The following CCDC6 variants were observed in gnomAD, a reference collection of about 807,000 sequenced individuals.
CCDC6 encodes coiled-coil domain containing 6.
Under a neutral mutation model 56.6 loss-of-function variants are expected in CCDC6, and 20 were observed. That is an observed-to-expected ratio of 0.35 (90% CI 0.25 to 0.51). The LOEUF is 0.51. CCDC6 is among the 20% of genes least tolerant of loss of function. The pLI is 0.95. For synonymous variants in CCDC6, 241 were observed against 234.4 expected (o/e 1.03, Z -0.26); for missense variants, 367 against 601.1 (o/e 0.61, Z 4.07).
chr10:59,789,679 T>A lies in CCDC6; in HGVS notation c.*3238A>T. The A allele has an allele frequency of 4.5e-6, 1 of 223,070 alleles. No individual in the cohort carries two copies. Among genetic ancestry groups the A allele is most frequent in the Non-Finnish European group, 9.0e-6 (1 of 111,470 alleles). 13.8% of individuals were successfully genotyped at this position (223,070 alleles called of 1,614,324 possible). A position where few individuals can be genotyped will look rare whatever the true frequency, so the allele number is the denominator to read the frequency against. On this transcript the variant is annotated 3_prime_UTR_variant, in exon 9 of 9. Coordinates refer to ENST00000263102, the MANE Select transcript of CCDC6 (RefSeq NM_005436.5). Reference sequence around the variant, plus strand: ...TATAAGACAAGTACTAGACAGAAGATCAAGTTACACAGAAATATTTCTTCT... The same window carrying A: ...TATAAGACAAGTACTAGACAGAAGAACAAGTTACACAGAAATATTTCTTCT...
chr10:59,863,407 T>C (rs1319000602), intron 1 of CCDC6, among the ~76,000 whole-genome samples: 4 of 152,230 alleles, frequency 2.6e-5, no homozygotes, highest in Non-Finnish European at 5.9e-5. Flanking sequence ...TTCATAGATG[T>C]TACAATACAA....
chr10:59,845,419 GCACA>G (rs1026122541), intron 2 of CCDC6, among the ~76,000 whole-genome samples: 1 of 135,972 alleles, frequency 7.4e-6, no homozygotes, highest in Non-Finnish European at 1.5e-5. Context: ...ATGCACATGT[GCACA>G]CACACTTTAA....
chr10:59,827,290 A>T (rs1403941800), intron 3 of CCDC6, among the ~76,000 whole-genome samples: 2 of 152,224 alleles, frequency 1.3e-5, no homozygotes, highest in Non-Finnish European at 2.9e-5. Context: ...ATGAAATATG[A>T]TTAAATAGAA....
chr10:59,855,895 A>C (rs1381318446), intron 1 of CCDC6, among the ~76,000 whole-genome samples: 1 of 152,224 alleles, frequency 6.6e-6, no homozygotes, highest in Non-Finnish European at 1.5e-5. Flanking sequence ...GGCCTGCTCT[A>C]AATGTGCCTT....
chr10:59,883,420 C>T (rs1249039835), intron 1 of CCDC6, among the ~76,000 whole-genome samples: 3 of 152,158 alleles, frequency 2.0e-5, no homozygotes, highest in Admixed American at 1.3e-4. Context: ...CCTGATGAGC[C>T]AACTGTCACA....
intron 7 of CCDC6, among the ~76,000 whole-genome samples, chr10:59,796,692 G>A (rs1228882801): frequency 6.6e-6 from 1 of 152,190 alleles, no homozygotes; most frequent in Non-Finnish European, 1.5e-5. Context: ...TGGAGGCCTG[G>A]AGCGGTGGCT....
At chr10:59,825,764 T>C (rs1589041863) in intron 3 of CCDC6, among the ~76,000 whole-genome samples, 2 of 152,224 alleles carry the variant, frequency 1.3e-5, no homozygotes, top group Admixed American at 1.3e-4. Context: ...CTTGTATCCT[T>C]AGCACTATCC....
At chr10:59,795,827 T>C (rs568130878) in intron 7 of CCDC6, among the ~76,000 whole-genome samples, 23 of 152,208 alleles carry the variant, frequency 1.5e-4, no homozygotes, top group African/African-American at 5.1e-4. Context: ...TATGGCTGCA[T>C]AGTATTCCAT....
rs1191674753 is a variant in CCDC6, at chr10:59,790,670, G to T, written c.*2247C>A. On this transcript the variant is annotated 3_prime_UTR_variant, in exon 9 of 9. Transcript: ENST00000263102. ...TTATGTGGAAAAAGTGCTGTTTGAA[G>T]GAGCTGTGTTTTATTTCGAAGTGAA... 4.5e-6 allele frequency: 1 copy of T among 220,220 alleles called. No homozygotes were observed. The highest frequency in any genetic ancestry group is 2.3e-5 in the African/African-American group (1 of 44,236). 13.6% of individuals were successfully genotyped at this position (220,220 alleles called of 1,614,324 possible). A position where few individuals can be genotyped will look rare whatever the true frequency, so the allele number is the denominator to read the frequency against.
At chr10:59,834,011 GCACCTAC>G (rs1223067063) in intron 2 of CCDC6, among the ~76,000 whole-genome samples, 7 of 152,104 alleles carry the variant, frequency 4.6e-5, no homozygotes, top group African/African-American at 1.7e-4. Context: ...CCACCCATGA[GCACCTAC>G]CACACCCTGT....
At chr10:59,863,166 A>C (rs954866310) in intron 1 of CCDC6, among the ~76,000 whole-genome samples, 2 of 152,178 alleles carry the variant, frequency 1.3e-5, no homozygotes, top group African/African-American at 4.8e-5. Context: ...CTTAGAGATA[A>C]CTTATGAGAT....
intron 7 of CCDC6, among the ~76,000 whole-genome samples, chr10:59,795,475 T>C (rs1002199812): frequency 6.2e-5 from 6 of 96,464 alleles, no homozygotes; most frequent in African/African-American, 1.8e-4. Context: ...TTCATTTTTA[T>C]TATTATTATT....
chr10:59,840,075 C>T (rs570787219), intron 2 of CCDC6, among the ~76,000 whole-genome samples: 1 of 152,298 alleles, frequency 6.6e-6, no homozygotes, highest in South Asian at 2.1e-4. Flanking sequence ...CCCCCCACCT[C>T]GGCCTCCCAA....
At chr10:59,884,930 G>T (rs2132677843) in intron 1 of CCDC6, among the ~76,000 whole-genome samples, 1 of 152,194 alleles carries the variant, frequency 6.6e-6, no homozygotes, top group East Asian at 1.9e-4. Flanking sequence ...CAGGCATGGT[G>T]ACACACGCCT....
At chr10:59,807,220 C>A in intron 5 of CCDC6, 142 bp from the exon 6 acceptor site, 1 of 723,414 alleles carries the variant, frequency 1.4e-6, no homozygotes, top group Non-Finnish European at 2.2e-6. Flanking sequence ...TATGGTGGCT[C>A]ACACTTGTAA....
At chr10:59,858,183 T>A (rs935461887) in intron 1 of CCDC6, among the ~76,000 whole-genome samples, 1 of 152,168 alleles carries the variant, frequency 6.6e-6, no homozygotes, top group East Asian at 1.9e-4. Context: ...GCCTTTATTT[T>A]TTCTATTAGA....
intron 1 of CCDC6, among the ~76,000 whole-genome samples, chr10:59,860,590 C>T (rs1044991114): frequency 2.0e-5 from 3 of 152,090 alleles, no homozygotes; most frequent in African/African-American, 7.2e-5. Context: ...ACTCCAGGCA[C>T]TATTTTAAGT....
At chr10:59,814,003 T>G (rs577125829) in intron 4 of CCDC6, among the ~76,000 whole-genome samples, 22 of 152,294 alleles carry the variant, frequency 1.4e-4, no homozygotes, top group Non-Finnish European at 2.2e-4. Flanking sequence ...CGTACACACA[T>G]TCCACATACA....
At chr10:59,884,692 C>T (rs953379572) in intron 1 of CCDC6, among the ~76,000 whole-genome samples, 1 of 152,166 alleles carries the variant, frequency 6.6e-6, no homozygotes, top group Non-Finnish European at 1.5e-5. Flanking sequence ...CAATGTGCTC[C>T]CATCGCTGGG....
Sources: allele counts gnomAD v4.1 joint callset (sites outside exome capture counted in the v4.1 genomes callset), GRCh38; gene constraint gnomAD v4.1.1; transcripts MANE v1.5; gene names NCBI Gene and HGNC (gene_info 2026-07-23, HGNC 2026-07-21).